The following RBFOX1 variants were observed in gnomAD, a reference collection of about 807,000 sequenced individuals.
RBFOX1 encodes the protein RNA binding protein fox-1 homolog 1.
RBFOX1 carries 8 observed loss-of-function variants against 57.7 expected under a neutral mutation model. The ratio of observed to expected loss-of-function variants is 0.14; its 90% confidence interval spans 0.08 to 0.25. The LOEUF (loss-of-function observed/expected upper bound fraction) is 0.25. Ranked by LOEUF, RBFOX1 falls within the 10% of genes least tolerant of loss-of-function variation. RBFOX1 has a pLI of 1.00. For synonymous variants in RBFOX1, 326 were observed against 222.4 expected (o/e 1.47, Z -4.15); for missense variants, 611 against 548.5 (o/e 1.11, Z -1.14).
In RBFOX1 at chr16:5,924,146, T is replaced by C. The variant is rs189032088; in HGVS notation, c.351+56811T>C. On this transcript the variant is annotated intron_variant, in intron 4 of 19. Transcript: ENST00000641259. ...CCTGCTACCCCATGAAGAAGGTGCC[T>C]GCTTCTCCTTTGCCTTCTGCCATTA... Among the ~76,000 whole-genome samples the C allele has an allele frequency of 2.3e-3, 351 of 152,270 alleles. 2 individuals are homozygous for C. The highest frequency in any genetic ancestry group is 0.021 in the Middle Eastern group (6 of 292).
At chr16:6,930,002 C>G (rs1159529745) in intron 3 of RBFOX1, among the ~76,000 whole-genome samples, 1 of 152,160 alleles carries the variant, frequency 6.6e-6, no homozygotes, top group Non-Finnish European at 1.5e-5. Context: ...ATAGGAAAAA[C>G]AGAGCGAGAT....
intron 4 of RBFOX1, among the ~76,000 whole-genome samples, chr16:7,345,711 T>A (rs2096986459): frequency 6.6e-6 from 1 of 152,198 alleles, no homozygotes; most frequent in African/African-American, 2.4e-5. Context: ...AAGCCTTTCA[T>A]TACTGAGGAT....
intron 3 of RBFOX1, among the ~76,000 whole-genome samples, chr16:5,653,711 A>G (rs970351425): frequency 5.3e-5 from 8 of 151,926 alleles, no homozygotes; most frequent in Non-Finnish European, 1.0e-4. Context: ...GATACTGTTC[A>G]TTTTCCAAAA....
intron 15 of RBFOX1, 162 bp from the exon 16 acceptor site, chr16:7,710,461 A>T (rs1422610427): frequency 6.8e-7 from 1 of 1,479,920 alleles, no homozygotes; most frequent in Non-Finnish European, 8.9e-7. Context: ...AAGGTCAGGA[A>T]TGGCCCTATC....
intron 2 of RBFOX1, among the ~76,000 whole-genome samples, chr16:6,538,115 A>G (rs972402577): frequency 3.3e-5 from 5 of 152,150 alleles, no homozygotes; most frequent in African/African-American, 1.2e-4. Flanking sequence ...GTACAATTCA[A>G]GGACATTAGA....
At chr16:6,779,535 C>T (rs1219523236) in intron 3 of RBFOX1, among the ~76,000 whole-genome samples, 1 of 150,666 alleles carries the variant, frequency 6.6e-6, no homozygotes, top group East Asian at 2.0e-4. Flanking sequence ...ATATACCCAA[C>T]AGTGAGACTG....
At chr16:7,096,012 C>CAAAAAAAAAAAAAA (rs71408498) in intron 4 of RBFOX1, among the ~76,000 whole-genome samples, 1 of 111,478 alleles carries the variant, frequency 9.0e-6, no homozygotes, top group African/African-American at 3.5e-5. Flanking sequence ...GACTCTGTCT[C>CAAAAAAAAAAAAAA]AAAAAAAAAA....
chr16:5,871,879 A>T (rs1039712893), intron 4 of RBFOX1, among the ~76,000 whole-genome samples: 1 of 152,212 alleles, frequency 6.6e-6, no homozygotes, highest in Non-Finnish European at 1.5e-5. Flanking sequence ...AAGCAATCGA[A>T]CTGAGATTGA....
rs186492364 is a variant in RBFOX1 at position 7,497,680 on chromosome 16, G to A, written c.28-20467G>A. Among the ~76,000 whole-genome samples the A allele has an allele frequency of 2.5e-3, 381 of 152,266 alleles. 2 individuals carry two copies. The highest frequency in any genetic ancestry group is 8.4e-3 in the African/African-American group (348 of 41,550). On this transcript the variant is annotated intron_variant, in intron 4 of 15. Coordinates refer to ENST00000550418, the MANE Select transcript of RBFOX1 (RefSeq NM_018723.4). ...TAAACATAGTCAAAAACTACATTTC[G>A]AATGAATTAATGAATGCAAGATATC...
At chr16:7,006,858 C>G (rs916574226) in intron 3 of RBFOX1, among the ~76,000 whole-genome samples, 2 of 152,196 alleles carry the variant, frequency 1.3e-5, no homozygotes, top group South Asian at 2.1e-4. Context: ...CACTTTGAAC[C>G]CTGCCATTTT....
chr16:7,396,331 ATACCTCAGT>A (rs1437805439), intron 4 of RBFOX1, among the ~76,000 whole-genome samples: 1 of 152,160 alleles, frequency 6.6e-6, no homozygotes, highest in Non-Finnish European at 1.5e-5. Context: ...GTAAACGGGC[ATACCTCAGT>A]TACAAGCGGA....
intron 4 of RBFOX1, among the ~76,000 whole-genome samples, chr16:7,400,297 G>T (rs1001451240): frequency 6.6e-6 from 1 of 152,128 alleles, no homozygotes; most frequent in Non-Finnish European, 1.5e-5. Context: ...GCAAGGATAG[G>T]CATTAAAAAT....
intron 3 of RBFOX1, among the ~76,000 whole-genome samples, chr16:6,788,685 C>T (rs970291540): frequency 2.0e-5 from 3 of 151,872 alleles, no homozygotes; most frequent in Non-Finnish European, 4.4e-5. Context: ...CCGTGTTAGC[C>T]AGGATGGTCT....
chr16:6,879,889 G>GT (rs1276759114), intron 3 of RBFOX1, among the ~76,000 whole-genome samples: 1 of 152,214 alleles, frequency 6.6e-6, no homozygotes, highest in African/African-American at 2.4e-5. Context: ...TTGCCTCACA[G>GT]TTAAATCTGA....
At chr16:6,594,749 G>A in intron 2 of RBFOX1, among the ~76,000 whole-genome samples, 1 of 151,956 alleles carries the variant, frequency 6.6e-6, no homozygotes. Flanking sequence ...GTATGCGTAT[G>A]CCACAAAATT....
chr16:5,282,273 C>T (rs930598610), intron 1 of RBFOX1, among the ~76,000 whole-genome samples: 1 of 152,328 alleles, frequency 6.6e-6, no homozygotes, highest in East Asian at 1.9e-4. Flanking sequence ...GTCCATTAAA[C>T]CTTTATCTTT....
rs532312585 is a variant in RBFOX1 at position 5,765,873 on chromosome 16, C to T, written c.319-101430C>T. 4.6e-5 allele frequency among the ~76,000 whole-genome samples: 7 copies of T among 152,232 alleles called. No homozygotes were observed. The East Asian group carries it at 1.2e-3, about 25-fold the overall frequency. The stretch of plus-strand genomic sequence containing the variant: ...GAGTGTGGAAGGATTCCTAGTCTCC[C>T]GTGGAAAAGACAACCTTGGTTGTCA... On this transcript the variant is annotated intron_variant, in intron 3 of 19. Coordinates refer to the RBFOX1 transcript ENST00000641259.
At chr16:6,911,417 T>C (rs190146309) in intron 3 of RBFOX1, among the ~76,000 whole-genome samples, 1 of 152,284 alleles carries the variant, frequency 6.6e-6, no homozygotes, top group Admixed American at 6.5e-5. Flanking sequence ...CCCCTCCCTG[T>C]GGTTGCTGGC....
At chr16:6,777,155 A>G (rs1038091699) in intron 3 of RBFOX1, among the ~76,000 whole-genome samples, 1 of 141,090 alleles carries the variant, frequency 7.1e-6, no homozygotes, top group African/African-American at 2.4e-5. Flanking sequence ...CACATTTTCC[A>G]GATATTTCTA....
Sources: gnomAD v4.1 joint callset for allele counts (sites outside exome capture counted in the v4.1 genomes callset) on GRCh38, gnomAD v4.1.1 for gene constraint, MANE v1.5 for transcripts, NCBI Gene and HGNC (gene_info 2026-07-23, HGNC 2026-07-21) for gene names.